The following PRH1 variants were observed in gnomAD, a reference collection of about 807,000 sequenced individuals.
PRH1 encodes salivary acidic proline-rich phosphoprotein 1/2.
Under a neutral mutation model 7.9 loss-of-function variants are expected in PRH1, and 7 were observed. The observed-to-expected ratio is 0.89, with a 90% CI of 0.50 to 1.67. The LOEUF (loss-of-function observed/expected upper bound fraction) is 1.67, where lower values mean the gene tolerates loss of function less well. Ranked by LOEUF, PRH1 falls within the 40% of genes most tolerant of loss-of-function variation. The probability of loss-of-function intolerance (pLI) is 0.00; values close to 1 mark genes in which losing one functional copy is unlikely to be tolerated. For missense variants in PRH1, 109 were observed against 223.6 expected, an observed-to-expected ratio of 0.49 and a Z score of 3.27; for synonymous variants, 45 against 80.8, an observed-to-expected ratio of 0.56 and a Z score of 2.38.
chr12:10,913,020 T>C (rs910054492), intron 2 of PRH1, among the ~76,000 whole-genome samples: 1 of 152,250 alleles, frequency 6.6e-6, no homozygotes, highest in African/African-American at 2.4e-5. Context: ...TATAGGTTTA[T>C]CTATGTCTTT....
chr12:11,139,266 ATAACAT>A (rs1393486133), intron 1 of PRH1, among the ~76,000 whole-genome samples: 4 of 152,220 alleles, frequency 2.6e-5, no homozygotes, highest in Admixed American at 1.3e-4. Flanking sequence ...AGAAAAAATT[ATAACAT>A]TAACATTGAT....
intron 1 of PRH1, among the ~76,000 whole-genome samples, chr12:11,141,364 T>C (rs1946698912): frequency 6.6e-6 from 1 of 152,248 alleles, no homozygotes; most frequent in Non-Finnish European, 1.5e-5. Flanking sequence ...TCTTTCTATA[T>C]GAATATTTGG....
chr12:11,027,688 C>A (rs1941986910), intron 1 of PRH1, among the ~76,000 whole-genome samples: 1 of 152,178 alleles, frequency 6.6e-6, no homozygotes, highest in Non-Finnish European at 1.5e-5. Context: ...CTCCAAGCTG[C>A]TCTGGCCACT....
intron 2 of PRH1, among the ~76,000 whole-genome samples, chr12:10,915,372 C>T (rs989650062): frequency 5.9e-5 from 9 of 152,122 alleles, no homozygotes; most frequent in Admixed American, 2.0e-4. Context: ...GAGAGAAAAG[C>T]AGAGGGGTGA....
In PRH1 at chr12:11,090,187, C is replaced by G. The variant is rs1218734898; in HGVS notation, n.124-42999G>C. ...CACCCTTTCATTTCATCATTGATGA[C>G]AAAATTACAAAGTTACGGCTCATCC... On this transcript the variant is annotated intron_variant and non_coding_transcript_variant, in intron 1 of 4. Coordinates refer to the PRH1 transcript ENST00000541977. 1.7e-5 allele frequency among the ~76,000 whole-genome samples: 2 copies of G among 115,072 alleles called. 1 individual carries two copies. The highest frequency in any genetic ancestry group is 4.2e-4 in the East Asian group (2 of 4,728). The allele number at this position is 115,072 out of a possible 152,430, so 75.5% of individuals were successfully genotyped here. A position where few individuals can be genotyped will look rare whatever the true frequency, so the allele number is the denominator to read the frequency against.
At chr12:11,029,671 C>A (rs762480904) in intron 1 of PRH1, among the ~76,000 whole-genome samples, 1 of 94,568 alleles carries the variant, frequency 1.1e-5, no homozygotes, top group Non-Finnish European at 2.6e-5. Context: ...AGATCATGAT[C>A]ATGATATTTC....
chr12:11,113,730 T>A (rs1245655084), intron 1 of PRH1, among the ~76,000 whole-genome samples: 1 of 152,096 alleles, frequency 6.6e-6, no homozygotes, highest in East Asian at 1.9e-4. Context: ...CTAATTAAAC[T>A]AAAGAGCTTC....
intron 2 of PRH1, among the ~76,000 whole-genome samples, chr12:10,945,581 A>C (rs1012154030): frequency 2.6e-5 from 4 of 152,220 alleles, no homozygotes; most frequent in Non-Finnish European, 5.9e-5. Context: ...GCAGGGCGAG[A>C]TCACAGGACC....
chr12:10,923,990 G>GTTTTTTTTTTTTT lies in PRH1; in HGVS notation c.-58-39728_-58-39716dup, dbSNP rs35612831. Among the ~76,000 whole-genome samples the GTTTTTTTTTTTTT allele has an allele frequency of 1.1e-4, 10 of 89,490 alleles. 1 individual carries two copies. The highest frequency in any genetic ancestry group is 1.8e-4 in the Admixed American group (1 of 5,638). 58.7% of individuals were successfully genotyped at this position (89,490 alleles called of 152,430 possible). A position where few individuals can be genotyped will look rare whatever the true frequency, so the allele number is the denominator to read the frequency against. ...GTTCTTTTTATTCATTTCTCCATCT[G>GTTTTTTTTTTTTT]TTTTTTTTTTTTTTTTTTTTTTTGA... On this transcript the variant is annotated intron_variant, in intron 2 of 3. Transcript: ENST00000539853.
chr12:10,931,201 G>A, intron 2 of PRH1: 1 of 1,525,392 alleles, frequency 6.6e-7, no homozygotes, highest in Admixed American at 2.2e-5. Context: ...CATTTCTCAT[G>A]AGTTTTGTTC....
chr12:10,961,986 T>C (rs549382374), intron 2 of PRH1, among the ~76,000 whole-genome samples: 3 of 152,324 alleles, frequency 2.0e-5, no homozygotes, highest in African/African-American at 7.2e-5. Context: ...CAACACGTTC[T>C]TTCACATCTG....
upstream of PRH1, among the ~76,000 whole-genome samples, chr12:10,886,027 T>C (rs1006387689): frequency 6.6e-6 from 1 of 152,196 alleles, no homozygotes; most frequent in Non-Finnish European, 1.5e-5. Context: ...TATAGACCTA[T>C]TTCAGGGGGG....
intron 1 of PRH1, among the ~76,000 whole-genome samples, chr12:11,170,447 T>G (rs1288568500): frequency 6.6e-6 from 1 of 152,234 alleles, no homozygotes; most frequent in East Asian, 1.9e-4. Context: ...CTCAGGAGGC[T>G]GAGGCAGGAG....
intron 2 of PRH1, among the ~76,000 whole-genome samples, chr12:10,939,887 ATATT>A (rs1267424861): frequency 2.0e-5 from 3 of 152,200 alleles, no homozygotes; most frequent in African/African-American, 7.2e-5. Context: ...GTTATCTGTT[ATATT>A]TATTATCATT....
intron 1 of PRH1, among the ~76,000 whole-genome samples, chr12:10,975,785 A>T (rs991437790): frequency 2.6e-5 from 4 of 152,186 alleles, no homozygotes; most frequent in Non-Finnish European, 4.4e-5. Flanking sequence ...CTAATTTCAT[A>T]AAAAAAGTCT....
intron 1 of PRH1, among the ~76,000 whole-genome samples, chr12:11,069,674 T>G (rs1337221695): frequency 1.3e-5 from 2 of 152,206 alleles, no homozygotes; most frequent in Non-Finnish European, 2.9e-5. Context: ...TTCATTGGAA[T>G]GAGTTCATAA....
chr12:11,083,985 C>T (rs78326490), intron 1 of PRH1, among the ~76,000 whole-genome samples: 9,164 of 63,876 alleles, frequency 0.14, 373 homozygotes, highest in Non-Finnish European at 0.21. Context: ...CCAACAGTTG[C>T]AAATGTTGTA....
chr12:11,101,323 AC>A (rs2136283122), intron 1 of PRH1, among the ~76,000 whole-genome samples: 1 of 152,300 alleles, frequency 6.6e-6, no homozygotes, highest in East Asian at 1.9e-4. Flanking sequence ...CCATGTCTCT[AC>A]AAAAAAATAG....
At chr12:11,138,141 G>GT (rs1475771985) in intron 1 of PRH1, among the ~76,000 whole-genome samples, 3 of 151,882 alleles carry the variant, frequency 2.0e-5, no homozygotes, top group South Asian at 2.1e-4. Flanking sequence ...TCTATTTTGG[G>GT]TTTTTTTGTG....
Sources: gnomAD v4.1 joint callset for allele counts (sites outside exome capture counted in the v4.1 genomes callset) on GRCh38, gnomAD v4.1.1 for gene constraint, MANE v1.5 for transcripts, NCBI Gene and HGNC (gene_info 2026-07-23, HGNC 2026-07-21) for gene names.